The following PLEKHA7 variants were observed in gnomAD, a reference collection of about 807,000 sequenced individuals.
PLEKHA7 encodes pleckstrin homology domain containing A7, also known as pleckstrin homology domain-containing family A member 7.
Under a neutral mutation model 170.0 loss-of-function variants are expected in PLEKHA7, and 104 were observed. That is an observed-to-expected ratio of 0.61 (90% confidence interval 0.52 to 0.72). The LOEUF is 0.72. Among genes scored for constraint, PLEKHA7 ranks in the 30% least tolerant of loss-of-function variants. The probability of loss-of-function intolerance (pLI) is 0.00; values close to 1 mark genes in which losing one functional copy is unlikely to be tolerated. For synonymous variants in PLEKHA7, 648 were observed against 660.8 expected (o/e 0.98, Z 0.30); for missense variants, 1,615 against 1,671.7 (o/e 0.97, Z 0.59).
chr11:16,916,526 A>G (rs1186812447), intron 3 of PLEKHA7, among the ~76,000 whole-genome samples: 1 of 152,122 alleles, frequency 6.6e-6, no homozygotes, highest in Non-Finnish European at 1.5e-5. Flanking sequence ...ACCTCAGGCA[A>G]TTGTTTTGAA....
intron 3 of PLEKHA7, among the ~76,000 whole-genome samples, chr11:16,969,485 T>A (rs565081067): frequency 2.0e-5 from 3 of 152,158 alleles, no homozygotes; most frequent in Non-Finnish European, 4.4e-5. Context: ...GATGATCCCA[T>A]GCTATTCTGA....
chr11:16,955,958 G>A (rs1435142222), intron 3 of PLEKHA7, among the ~76,000 whole-genome samples: 1 of 152,124 alleles, frequency 6.6e-6, no homozygotes, highest in East Asian at 1.9e-4. Context: ...CTTCAGCCCA[G>A]GAGTTTAAGG....
At chr11:16,829,891 T>C (rs1485319077) in intron 9 of PLEKHA7, among the ~76,000 whole-genome samples, 2 of 152,128 alleles carry the variant, frequency 1.3e-5, no homozygotes. Flanking sequence ...GGTTTTAGCT[T>C]TGTCTTTCCT....
At chr11:16,933,823 G>A (rs1479718306) in intron 3 of PLEKHA7, among the ~76,000 whole-genome samples, 2 of 152,168 alleles carry the variant, frequency 1.3e-5, no homozygotes, top group Non-Finnish European at 2.9e-5. Flanking sequence ...GGCTCTCCCA[G>A]CTAGAGACCT....
intron 3 of PLEKHA7, among the ~76,000 whole-genome samples, chr11:17,010,198 G>A (rs1218312695): frequency 6.6e-6 from 1 of 151,988 alleles, no homozygotes; most frequent in Admixed American, 6.6e-5. Context: ...GACCAGCCTG[G>A]CCAACATGGT....
At chr11:16,969,622 C>T (rs1862588594) in intron 3 of PLEKHA7, among the ~76,000 whole-genome samples, 1 of 152,164 alleles carries the variant, frequency 6.6e-6, no homozygotes, top group Non-Finnish European at 1.5e-5. Flanking sequence ...CCACGCTCTA[C>T]CCCTAGGACA....
At chr11:17,013,939 G>T (rs1865487304) in intron 3 of PLEKHA7, 50 bp downstream of exon 3, 6 of 1,421,264 alleles carry the variant, frequency 4.2e-6, no homozygotes, top group Middle Eastern at 4.8e-4. Context: ...AACGGGGAGG[G>T]ACCCCCCCCC....
At chr11:16,906,650 G>A (rs1217036975) in intron 3 of PLEKHA7, among the ~76,000 whole-genome samples, 24 of 138,832 alleles carry the variant, frequency 1.7e-4, no homozygotes, top group African/African-American at 7.3e-4. Context: ...AGGCTGGAGT[G>A]CAGTGGCGTG....
intron 4 of PLEKHA7, among the ~76,000 whole-genome samples, chr11:16,858,647 C>T (rs1055502849): frequency 6.6e-6 from 1 of 152,176 alleles, no homozygotes; most frequent in South Asian, 2.1e-4. Context: ...CACATGCCAC[C>T]ACACCTGGCT....
chr11:16,976,480 G>T (rs1863073017), intron 3 of PLEKHA7, among the ~76,000 whole-genome samples: 1 of 152,240 alleles, frequency 6.6e-6, no homozygotes, highest in Non-Finnish European at 1.5e-5. Context: ...GAGCAGAGAC[G>T]GTGTGGTACG....
chr11:16,895,772 C>T (rs1464222009), intron 3 of PLEKHA7, among the ~76,000 whole-genome samples: 2 of 152,218 alleles, frequency 1.3e-5, no homozygotes, highest in Non-Finnish European at 2.9e-5. Context: ...GTCATTGAGA[C>T]ACTTGGTCCC....
intron 3 of PLEKHA7, among the ~76,000 whole-genome samples, chr11:16,924,454 T>C (rs1859338971): frequency 6.6e-6 from 1 of 152,208 alleles, no homozygotes; most frequent in Non-Finnish European, 1.5e-5. Context: ...AGACTCTACC[T>C]GCTGAGAGGA....
chr11:16,821,893 G>A (rs541519539), intron 10 of PLEKHA7, among the ~76,000 whole-genome samples: 2 of 152,152 alleles, frequency 1.3e-5, no homozygotes, highest in Non-Finnish European at 2.9e-5. Context: ...TTGCCCTACT[G>A]GAATGAAATT....
At chr11:16,871,774 G>T (rs1018811736) in intron 3 of PLEKHA7, among the ~76,000 whole-genome samples, 12 of 152,240 alleles carry the variant, frequency 7.9e-5, no homozygotes. Flanking sequence ...GGAAGGATCA[G>T]CTTCCACACC....
rs901788023 is a variant in PLEKHA7, at chr11:16,789,711, C to T, written c.3156+64G>A. On this transcript the variant is annotated intron_variant, in intron 22 of 26. Coordinates refer to ENST00000531066, the MANE Select transcript of PLEKHA7 (RefSeq NM_001329630.2). This position sits in a 1 kb window ranked among gnomAD's most constrained non-coding sequence, Gnocchi z 4.6. Reference sequence around the variant, plus strand: ...GAAGGGATGGCCAGTTACTGTCCCCCTGGGAGACCCTCCCTCCCCATGTGA... The same window carrying T: ...GAAGGGATGGCCAGTTACTGTCCCCTTGGGAGACCCTCCCTCCCCATGTGA... The T allele has an allele frequency of 2.2e-5, 31 of 1,435,950 alleles. No individual in the cohort carries two copies. Among genetic ancestry groups the T allele is most frequent in the Admixed American group, 1.4e-4 (8 of 55,248 alleles). The allele number at this position is 1,435,950 out of a possible 1,614,324, so 89.0% of individuals were successfully genotyped here.
At chr11:16,891,577 T>C (rs566759456) in intron 3 of PLEKHA7, among the ~76,000 whole-genome samples, 1 of 152,300 alleles carries the variant, frequency 6.6e-6, no homozygotes, top group African/African-American at 2.4e-5. Context: ...GTGGCTTTGA[T>C]TTACTACAAA....
At position 16,868,954 on chromosome 11, in the gene PLEKHA7, T is replaced by C. The variant is rs148773016; in HGVS notation, c.305+2145A>G. Among the ~76,000 whole-genome samples the C allele has an allele frequency of 3.8e-3, 586 of 152,320 alleles. 4 individuals are homozygous for C. The highest frequency in any genetic ancestry group is 0.014 in the African/African-American group (562 of 41,562). ...GGTCTGCATTTTCCTGCAGCTCTTA[T>C]GGAAGTTGGTAACTTCCCAAGCTAA... On this transcript the variant is annotated intron_variant, in intron 4 of 26. Transcript: ENST00000531066.
At chr11:16,950,599 A>C (rs1296430031) in intron 3 of PLEKHA7, among the ~76,000 whole-genome samples, 1 of 152,006 alleles carries the variant, frequency 6.6e-6, no homozygotes, top group African/African-American at 2.4e-5. Context: ...CTAATGCTCA[A>C]GTACTATCCA....
At chr11:16,918,084 A>G (rs1459957703) in intron 3 of PLEKHA7, among the ~76,000 whole-genome samples, 6 of 152,082 alleles carry the variant, frequency 3.9e-5, no homozygotes, top group Non-Finnish European at 5.9e-5. Context: ...GATTCTCTGA[A>G]CTCTGAAAGT....
Sources: gnomAD v4.1 joint callset for allele counts (sites outside exome capture counted in the v4.1 genomes callset) on GRCh38, gnomAD v4.1.1 for gene constraint, Gnocchi (gnomAD v3.1) non-coding constraint, MANE v1.5 for transcripts, NCBI Gene and HGNC (gene_info 2026-07-23, HGNC 2026-07-21) for gene names.